Variants in PRKCE observed in about 807,000 individuals in gnomAD.
The protein encoded by PRKCE is protein kinase C epsilon type.
A neutral mutation model predicts 85.4 loss-of-function variants in PRKCE; 16 were observed. The ratio of observed to expected loss-of-function variants is 0.19; its 90% CI spans 0.13 to 0.28. The LOEUF is 0.28. PRKCE is among the 10% of genes least tolerant of loss of function. The pLI, the probability that PRKCE is intolerant of heterozygous loss-of-function variation, is 1.00. For synonymous variants in PRKCE, 388 were observed against 371.5 expected (o/e 1.04, Z -0.51); for missense variants, 573 against 975.2 (o/e 0.59, Z 5.49).
At chr2:45,740,024 A>G (rs375275096) in intron 1 of PRKCE, among the ~76,000 whole-genome samples, 2 of 152,148 alleles carry the variant, frequency 1.3e-5, no homozygotes, top group African/African-American at 4.8e-5. Context: ...ATTCAAGAAT[A>G]ATTGGCTGTC....
chr2:45,925,431 G>C (rs1698540566), intron 2 of PRKCE, among the ~76,000 whole-genome samples: 1 of 152,032 alleles, frequency 6.6e-6, no homozygotes, highest in African/African-American at 2.4e-5. Context: ...CGAGTAGCTG[G>C]GATTACAGGC....
chr2:45,686,197 C>G (rs950065476), intron 1 of PRKCE: 3 of 152,108 alleles, frequency 2.0e-5, no homozygotes, highest in African/African-American at 7.2e-5. Flanking sequence ...AAAAACTTTT[C>G]CTTCTTTATA....
At chr2:45,759,637 T>G (rs1247226042) in intron 1 of PRKCE, among the ~76,000 whole-genome samples, 1 of 152,234 alleles carries the variant, frequency 6.6e-6, no homozygotes, top group East Asian at 1.9e-4. Context: ...TGTCAGTTAT[T>G]ACACTCTTTG....
At chr2:46,006,289 TGA>T (rs1705193852) in intron 8 of PRKCE, among the ~76,000 whole-genome samples, 1 of 152,250 alleles carries the variant, frequency 6.6e-6, no homozygotes, top group African/African-American at 2.4e-5. Flanking sequence ...ATTTAATAAC[TGA>T]GGCTTTTAGC....
At chr2:45,785,362 ACACCTGTAGTTC>A (rs1418477596) in intron 1 of PRKCE, among the ~76,000 whole-genome samples, 1 of 152,078 alleles carries the variant, frequency 6.6e-6, no homozygotes, top group East Asian at 1.9e-4. Flanking sequence ...GTGGTGGTAC[ACACCTGTAGTTC>A]CACCTACTCA....
At chr2:46,183,193 A>T (rs1680168999) in intron 14 of PRKCE, among the ~76,000 whole-genome samples, 1 of 152,228 alleles carries the variant, frequency 6.6e-6, no homozygotes, top group East Asian at 1.9e-4. Flanking sequence ...AAAAAGTTTT[A>T]GGTCAAGTTT....
At chr2:45,910,100 C>T (rs1190072361) in intron 2 of PRKCE, among the ~76,000 whole-genome samples, 1 of 151,952 alleles carries the variant, frequency 6.6e-6, no homozygotes, top group Non-Finnish European at 1.5e-5. Flanking sequence ...ACTCATGCTA[C>T]AAGGTACTTA....
intron 1 of PRKCE, among the ~76,000 whole-genome samples, chr2:45,710,498 G>T (rs1242371031): frequency 6.6e-6 from 1 of 152,220 alleles, no homozygotes; most frequent in African/African-American, 2.4e-5. Context: ...GAACCCTGGA[G>T]TGTTTTTTAG....
chr2:45,928,276 ACTT>A (rs1443857089), intron 2 of PRKCE, among the ~76,000 whole-genome samples: 8 of 152,162 alleles, frequency 5.3e-5, no homozygotes, highest in African/African-American at 1.9e-4. Flanking sequence ...ATAACTTTAT[ACTT>A]CTTTTTGAGA....
intron 10 of PRKCE, among the ~76,000 whole-genome samples, chr2:46,054,801 C>A (rs992377649): frequency 6.6e-6 from 1 of 152,156 alleles, no homozygotes; most frequent in Non-Finnish European, 1.5e-5. Context: ...GCCCCACCCC[C>A]CATCCTGTGC....
In PRKCE at chr2:46,097,224, A is replaced by C. The variant is rs201752967; in HGVS notation, c.1592+10862A>C. Among the ~76,000 whole-genome samples the C allele has an allele frequency of 6.6e-5, 10 of 152,246 alleles. No homozygotes were observed. The East Asian group carries it at 1.9e-3, about 29-fold the overall frequency. On this transcript the variant is annotated intron_variant, in intron 11 of 14. Transcript: ENST00000306156. ...GGCTGACAGATCTGCTTGCATTATAAAGCTGCAAAGTCGGCAGGGTGCAGT... is the reference window on the plus strand; with the variant it reads ...GGCTGACAGATCTGCTTGCATTATACAGCTGCAAAGTCGGCAGGGTGCAGT...
chr2:45,855,800 C>T (rs1692624723), intron 2 of PRKCE, among the ~76,000 whole-genome samples: 1 of 152,130 alleles, frequency 6.6e-6, no homozygotes, highest in Admixed American at 6.5e-5. Flanking sequence ...GGGTAGAAAG[C>T]TTCTCACTGC....
intron 2 of PRKCE, among the ~76,000 whole-genome samples, chr2:45,971,616 A>T (rs1356135222): frequency 6.6e-6 from 1 of 152,190 alleles, no homozygotes; most frequent in Non-Finnish European, 1.5e-5. Flanking sequence ...TGAGAAGACA[A>T]TCTCTTTTGA....
chr2:46,027,976 C>T, intron 10 of PRKCE, among the ~76,000 whole-genome samples: 1 of 151,350 alleles, frequency 6.6e-6, no homozygotes, highest in African/African-American at 2.4e-5. Flanking sequence ...GAGTCGGGCT[C>T]TGTGGCCCAG....
At chr2:46,061,572 A>T (rs1431546009) in intron 10 of PRKCE, among the ~76,000 whole-genome samples, 1 of 152,188 alleles carries the variant, frequency 6.6e-6, no homozygotes, top group Non-Finnish European at 1.5e-5. Flanking sequence ...ATCCTTCCTT[A>T]ATATGAATCC....
chr2:46,115,765 G>A (rs1322996328), intron 11 of PRKCE, among the ~76,000 whole-genome samples: 1 of 152,210 alleles, frequency 6.6e-6, no homozygotes, highest in Non-Finnish European at 1.5e-5. Context: ...GACACAGGCT[G>A]CTTTCCCCGT....
chr2:46,156,157 A>G (rs924409224), intron 13 of PRKCE, among the ~76,000 whole-genome samples: 1 of 150,810 alleles, frequency 6.6e-6, no homozygotes, highest in Admixed American at 6.6e-5. Context: ...TCTCTTCCAC[A>G]TAGCCTCCAG....
chr2:45,826,467 G>A (rs1689949009), intron 1 of PRKCE, among the ~76,000 whole-genome samples: 1 of 152,180 alleles, frequency 6.6e-6, no homozygotes, highest in Admixed American at 6.5e-5. Flanking sequence ...TTTTATTGCT[G>A]AATAATTTTG....
At chr2:46,025,076 T>TA (rs35015342) in intron 10 of PRKCE, among the ~76,000 whole-genome samples, 18 of 151,272 alleles carry the variant, frequency 1.2e-4, no homozygotes, top group South Asian at 4.2e-4. Context: ...AATTTGACTG[T>TA]AAAAAAAAAC....
Sources: allele counts gnomAD v4.1 joint callset (sites outside exome capture counted in the v4.1 genomes callset), GRCh38; gene constraint gnomAD v4.1.1; transcripts MANE v1.5; gene names NCBI Gene and HGNC (gene_info 2026-07-23, HGNC 2026-07-21).